Variants in EPB41L2 observed in about 807,000 individuals in gnomAD.
The protein encoded by EPB41L2 is erythrocyte membrane protein band 4.1 like 2.
EPB41L2 carries 43 observed loss-of-function variants against 113.0 expected under a neutral mutation model. The observed-to-expected ratio is 0.38, with a 90% confidence interval of 0.30 to 0.49. The LOEUF (loss-of-function observed/expected upper bound fraction) is 0.49. EPB41L2 is among the 20% of genes least tolerant of loss of function. The pLI, the probability that EPB41L2 is intolerant of heterozygous loss-of-function variation, is 0.95. For missense variants in EPB41L2, 1,147 were observed against 1,223.4 expected (o/e 0.94, Z 0.93); for synonymous variants, 442 against 436.7 (o/e 1.01, Z -0.15).
At position 130,890,415 on chromosome 6, in the gene EPB41L2, G is replaced by A; in HGVS notation, c.1539C>T (p.Ser513=). 6.2e-7 allele frequency: 1 copy of A among 1,612,020 alleles called. No homozygotes were observed. The highest frequency in any genetic ancestry group is 8.5e-7 in the Non-Finnish European group (1 of 1,179,670). ...GGGTGCGGCCACTATAGCGAAATTT[G>A]GACCCCAAGGTCAGGAACTTGGCTT... ...PPKAKFLTLG[S]KFRYSGRTQA... is the part of the protein sequence containing the mutation. Residue 513 remains serine, a synonymous_variant, in exon 11 of 20, where the codon TCC becomes TCT. Transcript: ENST00000337057.
chr6:130,876,429 A>C (rs1022193987), intron 14 of EPB41L2, among the ~76,000 whole-genome samples: 2 of 152,188 alleles, frequency 1.3e-5, no homozygotes, highest in Non-Finnish European at 2.9e-5. Context: ...ATCAGTTATC[A>C]CCTAAATTGG....
At chr6:130,994,847 GATTGCCTCC>G (rs1562687975) in intron 1 of EPB41L2, among the ~76,000 whole-genome samples, 1 of 152,092 alleles carries the variant, frequency 6.6e-6, no homozygotes, top group Non-Finnish European at 1.5e-5. Flanking sequence ...AAGCGTATCC[GATTGCCTCC>G]TTTGGAGAGG....
chr6:130,956,704 C>A (rs760594850), intron 1 of EPB41L2, among the ~76,000 whole-genome samples: 3 of 152,144 alleles, frequency 2.0e-5, no homozygotes. Context: ...ATCACAGACC[C>A]AAAACTAGCA....
chr6:130,877,919 C>T (rs1459464513), intron 14 of EPB41L2, among the ~76,000 whole-genome samples, 185 bp downstream of exon 14: 1 of 151,974 alleles, frequency 6.6e-6, no homozygotes, highest in Non-Finnish European at 1.5e-5. Flanking sequence ...TGCAATTTAC[C>T]TAAGAACTAG....
chr6:130,865,327 C>A (rs1783379131), intron 17 of EPB41L2, among the ~76,000 whole-genome samples: 1 of 152,080 alleles, frequency 6.6e-6, no homozygotes, highest in African/African-American at 2.4e-5. Context: ...CATATTTTTA[C>A]CCCCTTGTAC....
chr6:130,867,807 T>C lies in EPB41L2; in HGVS notation c.2608-226A>G, dbSNP rs1052579892. Reference sequence around the variant, plus strand: ...ATACATGTGCACATAGATACGTACATATATATGAATGTGTGTATGTGTACA... The same window carrying C: ...ATACATGTGCACATAGATACGTACACATATATGAATGTGTGTATGTGTACA... On this transcript the variant is annotated intron_variant, in intron 15 of 19. Transcript: ENST00000337057. 3 of 480,984 alleles carry C rather than the reference T, an allele frequency of 6.2e-6. No individual in the cohort carries two copies. The East Asian group carries it at 1.2e-4, about 20-fold the overall frequency. The allele number at this position is 480,984 out of a possible 1,614,324, so 29.8% of individuals were successfully genotyped here. A position where few individuals can be genotyped will look rare whatever the true frequency, so the allele number is the denominator to read the frequency against.
intron 1 of EPB41L2, among the ~76,000 whole-genome samples, chr6:131,033,823 T>C (rs1290516831): frequency 6.6e-6 from 1 of 152,234 alleles, no homozygotes; most frequent in Non-Finnish European, 1.5e-5. Context: ...GTACAGAGTC[T>C]GTGTTTGTGA....
At chr6:130,993,378 T>TAA (rs1782330898) in intron 1 of EPB41L2, among the ~76,000 whole-genome samples, 1 of 152,180 alleles carries the variant, frequency 6.6e-6, no homozygotes, top group Non-Finnish European at 1.5e-5. Flanking sequence ...CACAGGTACT[T>TAA]ATAATTGTCT....
At chr6:131,050,302 G>A (rs759033249) in intron 1 of EPB41L2, among the ~76,000 whole-genome samples, 1 of 152,094 alleles carries the variant, frequency 6.6e-6, no homozygotes, top group Non-Finnish European at 1.5e-5. Context: ...TTGCGCCATT[G>A]CACCCCAGCC....
At position 131,035,363 on chromosome 6, in the gene EPB41L2, T is replaced by C. The variant is rs528842431; in HGVS notation, c.-15+27792A>G. On this transcript the variant is annotated intron_variant, in intron 1 of 19. Transcript: ENST00000337057. ...GCTGTCCATATCATTCCAAAGAAACTTCAATCACCTCCACACCTTTGCCTT... is the reference window on the plus strand; with the variant it reads ...GCTGTCCATATCATTCCAAAGAAACCTCAATCACCTCCACACCTTTGCCTT... 2.6e-5 allele frequency among the ~76,000 whole-genome samples: 4 copies of C among 152,298 alleles called. No individual in the cohort carries two copies. The South Asian group carries it at 6.2e-4, about 24-fold the overall frequency.
chr6:130,951,312 C>CTTTTTTTTTTTTTTTTTTTTTTTTTTTT (rs34082234), intron 3 of EPB41L2, among the ~76,000 whole-genome samples: 3 of 50,818 alleles, frequency 5.9e-5, no homozygotes, highest in African/African-American at 4.0e-4. Context: ...AGCCTCAGTA[C>CTTTTTTTTTTTTTTTTTTTTTTTTTTTT]TTTTTTTTTT....
chr6:130,878,369 AAAGC>A, intron 13 of EPB41L2, 119 bp from the exon 14 acceptor site: 3 of 1,179,736 alleles, frequency 2.5e-6, no homozygotes, highest in Non-Finnish European at 3.5e-6. Context: ...AAACCATAGT[AAAGC>A]AAGAAAAATG....
At chr6:131,051,037 T>C (rs1796413185) in intron 1 of EPB41L2, among the ~76,000 whole-genome samples, 1 of 152,200 alleles carries the variant, frequency 6.6e-6, no homozygotes, top group Non-Finnish European at 1.5e-5. Context: ...TTAAGTCTAG[T>C]TCAAGTATAT....
intron 6 of EPB41L2, among the ~76,000 whole-genome samples, chr6:130,902,554 T>C (rs553121259): frequency 6.6e-6 from 1 of 152,346 alleles, no homozygotes; most frequent in African/African-American, 2.4e-5. Flanking sequence ...GAGGATTATA[T>C]GTTTCCTTGA....
At chr6:130,911,868 C>CT (rs1799509935) in intron 4 of EPB41L2, among the ~76,000 whole-genome samples, 1 of 151,600 alleles carries the variant, frequency 6.6e-6, no homozygotes, top group Admixed American at 6.6e-5. Flanking sequence ...TTTACTCATT[C>CT]TAAGCAGTGT....
At chr6:130,872,663 A>G (rs1476116021) in intron 14 of EPB41L2, 3 of 628,768 alleles carry the variant, frequency 4.8e-6, no homozygotes, top group Non-Finnish European at 6.7e-6. Flanking sequence ...ATGAAAGAAA[A>G]GATGAGAATT....
At chr6:130,973,164 C>T (rs952627593) in intron 1 of EPB41L2, among the ~76,000 whole-genome samples, 1 of 145,802 alleles carries the variant, frequency 6.9e-6, no homozygotes, top group African/African-American at 2.4e-5. Flanking sequence ...TGGAAGTCTT[C>T]ACTTCTCTTC....
At chr6:131,048,933 A>C (rs958477322) in intron 1 of EPB41L2, among the ~76,000 whole-genome samples, 5 of 152,242 alleles carry the variant, frequency 3.3e-5, no homozygotes, top group Non-Finnish European at 7.3e-5. Context: ...ATGCCACATT[A>C]TCCTTCACTG....
intron 4 of EPB41L2, among the ~76,000 whole-genome samples, chr6:130,909,278 C>T (rs1583330211): frequency 6.6e-6 from 1 of 152,290 alleles, no homozygotes; most frequent in Middle Eastern, 3.4e-3. Flanking sequence ...AAACTGTTGG[C>T]TAAAAGTATA....
Sources: gnomAD v4.1 joint callset for allele counts (sites outside exome capture counted in the v4.1 genomes callset) on GRCh38, gnomAD v4.1.1 for gene constraint, MANE v1.5 for transcripts, NCBI Gene and HGNC (gene_info 2026-07-23, HGNC 2026-07-21) for gene names.